DPYD: variants seen among roughly 807,000 people sequenced by gnomAD.
The protein encoded by DPYD is dihydropyrimidine dehydrogenase [NADP(+)].
Under a neutral mutation model 116.2 loss-of-function variants are expected in DPYD, and 109 were observed. That is an observed-to-expected ratio of 0.94 (90% CI 0.80 to 1.10). The LOEUF is 1.10. DPYD is among the 50% of genes least tolerant of loss of function. The probability of loss-of-function intolerance (pLI) is 0.00; values close to 1 mark genes in which losing one functional copy is unlikely to be tolerated. For missense variants in DPYD, 1,302 were observed against 1,254.5 expected (o/e 1.04, Z -0.57); for synonymous variants, 440 against 432.0 (o/e 1.02, Z -0.23).
chr1:97,216,884 A>G (rs886875919), intron 19 of DPYD, among the ~76,000 whole-genome samples: 7 of 152,032 alleles, frequency 4.6e-5, no homozygotes, highest in African/African-American at 1.7e-4. Context: ...TACTTTTGAC[A>G]ATGTTAAATT....
At chr1:97,662,223 C>T (rs959575293) in intron 8 of DPYD, among the ~76,000 whole-genome samples, 3 of 150,976 alleles carry the variant, frequency 2.0e-5, no homozygotes, top group East Asian at 2.0e-4. Context: ...GATGGTCTCT[C>T]GATCTCCTGA....
At chr1:97,422,005 CTGAA>C (rs1674612944) in intron 14 of DPYD, among the ~76,000 whole-genome samples, 1 of 152,010 alleles carries the variant, frequency 6.6e-6, no homozygotes, top group Non-Finnish European at 1.5e-5. Flanking sequence ...TACAATACCC[CTGAA>C]ATTGTTGTTT....
At chr1:97,277,565 A>C (rs1344383508) in intron 18 of DPYD, among the ~76,000 whole-genome samples, 1 of 152,088 alleles carries the variant, frequency 6.6e-6, no homozygotes, top group Non-Finnish European at 1.5e-5. Flanking sequence ...AGTTATTTAT[A>C]ATTCCCTTTC....
At chr1:97,148,503 T>C (rs1030368095) in intron 20 of DPYD, among the ~76,000 whole-genome samples, 1 of 152,192 alleles carries the variant, frequency 6.6e-6, no homozygotes, top group Non-Finnish European at 1.5e-5. Context: ...CTAAGAATTA[T>C]TTTAATTATA....
chr1:97,624,117 T>G (rs188808548), intron 8 of DPYD, among the ~76,000 whole-genome samples: 1 of 151,926 alleles, frequency 6.6e-6, no homozygotes, highest in African/African-American at 2.4e-5. Context: ...AAAGCAAAAA[T>G]AGAGAAATGG....
intron 3 of DPYD, among the ~76,000 whole-genome samples, chr1:97,817,035 A>C (rs1668657542): frequency 6.6e-6 from 1 of 152,106 alleles, no homozygotes; most frequent in Non-Finnish European, 1.5e-5. Flanking sequence ...GGGGTCTGCA[A>C]ACTACAACAC....
At chr1:97,647,751 T>A (rs756280634) in intron 8 of DPYD, among the ~76,000 whole-genome samples, 18 of 152,020 alleles carry the variant, frequency 1.2e-4, no homozygotes, top group Non-Finnish European at 1.9e-4. Context: ...ATAAAATTAC[T>A]TCATATTTGA....
intron 4 of DPYD, among the ~76,000 whole-genome samples, chr1:97,736,850 T>TTGTGTGTGTGTG (rs71590232): frequency 8.2e-4 from 117 of 142,102 alleles, no homozygotes; most frequent in African/African-American, 2.8e-3. Flanking sequence ...GTGTGTGCAT[T>TTGTGTGTGTGTG]TGTGTGTGTG....
chr1:97,391,056 T>C (rs1672670776), intron 14 of DPYD, among the ~76,000 whole-genome samples: 1 of 151,318 alleles, frequency 6.6e-6, no homozygotes, highest in Non-Finnish European at 1.5e-5. Flanking sequence ...CTCTTTTTTT[T>C]TTTTTTTTTG....
chr1:97,848,569 TTA>T (rs1216973726), intron 2 of DPYD, among the ~76,000 whole-genome samples: 4 of 152,224 alleles, frequency 2.6e-5, no homozygotes, highest in African/African-American at 9.6e-5. Context: ...AACAGATGTA[TTA>T]GTTTTCTTTT....
chr1:97,231,178 T>C (rs1179013220), intron 19 of DPYD, among the ~76,000 whole-genome samples: 3 of 152,216 alleles, frequency 2.0e-5, no homozygotes, highest in African/African-American at 7.2e-5. Flanking sequence ...AGGTAAGCTA[T>C]AGCCTGAACA....
chr1:97,235,688 A>G (rs1419724937), intron 18 of DPYD, among the ~76,000 whole-genome samples: 2 of 152,186 alleles, frequency 1.3e-5, no homozygotes, highest in Non-Finnish European at 2.9e-5. Context: ...AATCCCATAT[A>G]GTACATCAGT....
intron 16 of DPYD, among the ~76,000 whole-genome samples, chr1:97,322,431 T>G (rs988295038): frequency 6.6e-6 from 1 of 151,902 alleles, no homozygotes; most frequent in Non-Finnish European, 1.5e-5. Context: ...CTAAAGGAAA[T>G]AATAATACTA....
intron 14 of DPYD, among the ~76,000 whole-genome samples, chr1:97,444,238 A>T (rs1460376462): frequency 6.6e-6 from 1 of 152,160 alleles, no homozygotes; most frequent in African/African-American, 2.4e-5. Context: ...GGAATAACAC[A>T]TATTCTTAAT....
intron 3 of DPYD, among the ~76,000 whole-genome samples, chr1:97,826,734 T>C (rs1196061527): frequency 6.6e-6 from 1 of 152,146 alleles, no homozygotes; most frequent in Non-Finnish European, 1.5e-5. Flanking sequence ...TTATTTTTAA[T>C]TTGCTAAAAT....
At chr1:97,677,633 T>C (rs926412343) in intron 8 of DPYD, among the ~76,000 whole-genome samples, 4 of 152,172 alleles carry the variant, frequency 2.6e-5, no homozygotes, top group African/African-American at 7.2e-5. Context: ...ATAAATATAA[T>C]ATTGTAATTA....
At chr1:97,786,861 G>T (rs192915366) in intron 3 of DPYD, among the ~76,000 whole-genome samples, 1 of 152,210 alleles carries the variant, frequency 6.6e-6, no homozygotes. Context: ...AAAGAATTTG[G>T]GTGGAAATAA....
chr1:97,124,184 T>C (rs1273261814), intron 20 of DPYD, among the ~76,000 whole-genome samples: 1 of 152,042 alleles, frequency 6.6e-6, no homozygotes, highest in Non-Finnish European at 1.5e-5. Context: ...ATGGACTTCT[T>C]CCTGATTTTA....
At chr1:97,142,649 T>A (rs1654312406) in intron 20 of DPYD, among the ~76,000 whole-genome samples, 1 of 152,030 alleles carries the variant, frequency 6.6e-6, no homozygotes, top group Non-Finnish European at 1.5e-5. Context: ...TACATAATAA[T>A]CTGTTATTTT....
Sources: allele counts gnomAD v4.1 joint callset (sites outside exome capture counted in the v4.1 genomes callset), GRCh38; gene constraint gnomAD v4.1.1; transcripts MANE v1.5; gene names NCBI Gene and HGNC (gene_info 2026-07-23, HGNC 2026-07-21).